Variants in STAB2 observed in about 807,000 individuals in gnomAD.
The protein encoded by STAB2 is stabilin-2.
Under a neutral mutation model 338.1 loss-of-function variants are expected in STAB2, and 288 were observed. The ratio of observed to expected loss-of-function variants is 0.85; its 90% CI spans 0.77 to 0.94. The LOEUF is 0.94. STAB2 is among the 40% of genes least tolerant of loss of function. The pLI is 0.00. For missense variants in STAB2, 3,141 were observed against 3,210.1 expected (o/e 0.98, Z 0.52); for synonymous variants, 1,202 against 1,193.3 (o/e 1.01, Z -0.15).
chr12:103,667,604 C>T (rs1409928820), intron 19 of STAB2, among the ~76,000 whole-genome samples: 1 of 152,150 alleles, frequency 6.6e-6, no homozygotes. Flanking sequence ...CTCAAATCAC[C>T]CATCCCGGGA....
At chr12:103,745,608 G>A (rs757613033) in intron 57 of STAB2, among the ~76,000 whole-genome samples, 1 of 152,114 alleles carries the variant, frequency 6.6e-6, no homozygotes, top group East Asian at 1.9e-4. Flanking sequence ...CTGACACAGA[G>A]GCTGAGTGGT....
Position 103,745,176 on chromosome 12 carries a change from G to T in STAB2, c.6035G>T (p.Cys2012Phe). The T allele has an allele frequency of 6.2e-7, 1 of 1,613,144 alleles. No individual in the cohort carries two copies. Among genetic ancestry groups the T allele is most frequent in the Non-Finnish European group, 8.5e-7 (1 of 1,179,594 alleles). ...CCATATCCTAATTTGTTTACAGCCT[G>T]TGGCTGCTCAGACCACGGACAGTGC... Reference protein sequence around the residue: ...PGRFGPDCLPCGCSDHGQCDD... With the variant: ...PGRFGPDCLPFGCSDHGQCDD... The change falls in exon 57 of 69, where the codon TGT becomes TTT. Residue 2012 changes from cysteine (C) to phenylalanine (F), a missense_variant. Cys to Phe is a radical substitution (Grantham distance 205, BLOSUM62 -2). Coordinates refer to ENST00000388887, the MANE Select transcript of STAB2 (RefSeq NM_017564.10).
At chr12:103,588,536 G>A (rs1956748395) in intron 1 of STAB2, among the ~76,000 whole-genome samples, 1 of 152,006 alleles carries the variant, frequency 6.6e-6, no homozygotes, top group African/African-American at 2.4e-5. Context: ...TTATCACCAA[G>A]TGTTTGCATT....
intron 52 of STAB2, 30 bp downstream of exon 52, chr12:103,735,610 A>C (rs766478649): frequency 4.7e-5 from 25 of 537,606 alleles, no homozygotes; most frequent in South Asian, 3.1e-4. Context: ...GTGGGCAGGG[A>C]GGGGTTAACA....
chr12:103,619,166 A>T (rs758963192), intron 3 of STAB2, among the ~76,000 whole-genome samples: 1 of 152,208 alleles, frequency 6.6e-6, no homozygotes, highest in Non-Finnish European at 1.5e-5. Flanking sequence ...TAATACAATT[A>T]TCTAGAACTT....
chr12:103,724,810 T>C (rs867333350), intron 44 of STAB2, among the ~76,000 whole-genome samples, 165 bp from the exon 45 acceptor site: 9 of 152,088 alleles, frequency 5.9e-5, no homozygotes, highest in African/African-American at 4.8e-5. Context: ...CCTATGAGCA[T>C]AGGGAATTGG....
At chr12:103,677,345 T>G (rs552614966) in intron 24 of STAB2, 108 bp from the exon 25 acceptor site, 2 of 1,423,758 alleles carry the variant, frequency 1.4e-6, no homozygotes, top group Non-Finnish European at 9.5e-7. Flanking sequence ...CCTCACTCAA[T>G]GCAAATCTGT....
intron 54 of STAB2, 33 bp from the exon 55 acceptor site, chr12:103,740,597 T>C: frequency 1.0e-5 from 16 of 1,605,190 alleles, no homozygotes; most frequent in Non-Finnish European, 1.4e-5. Context: ...CCTGCAGTGG[T>C]AAGTGAAGGG....
At chr12:103,601,613 C>A (rs1018370527) in intron 3 of STAB2, among the ~76,000 whole-genome samples, 8 of 151,960 alleles carry the variant, frequency 5.3e-5, no homozygotes, top group African/African-American at 1.9e-4. Flanking sequence ...AAAAAGAAAC[C>A]CTTAAAGACC....
chr12:103,662,728 G>GT (rs2138777007), intron 17 of STAB2, 118 bp from the exon 18 acceptor site: 1 of 1,201,034 alleles, frequency 8.3e-7, no homozygotes, highest in East Asian at 2.4e-5. Context: ...CCAATGAAAA[G>GT]TTAAGTGATG....
In STAB2 at chr12:103,761,430, G is replaced by A. The variant is rs773850088; in HGVS notation, c.7359+20G>A. 6.2e-7 allele frequency: 1 copy of A among 1,610,012 alleles called. No individual in the cohort carries two copies. The highest frequency in any genetic ancestry group is 1.1e-5 in the South Asian group (1 of 90,920). On this transcript the variant is annotated intron_variant, in intron 66 of 68. Coordinates refer to ENST00000388887, the MANE Select transcript of STAB2 (RefSeq NM_017564.10). ...CCCGTGGTGAGTATCTAGGGTCCCT[G>A]ATAACGGGCCAGGAGGAGCCCCGGT... is the stretch of plus-strand genomic sequence containing the variant.
rs58759684 is a variant in STAB2 at position 103,644,530 on chromosome 12, A to AAAATAAAT, written c.1041-4124_1041-4117dup. On this transcript the variant is annotated intron_variant, in intron 9 of 68. Transcript: ENST00000388887. ...GAGAAACACCCAAGAATGATCAATA[A>AAAATAAAT]AAATAAATAAATAAATAAATAAATA... Among the ~76,000 whole-genome samples the AAAATAAAT allele has an allele frequency of 3.0e-4, 44 of 144,332 alleles. No individual in the cohort carries two copies. In the East Asian group the frequency reaches 4.1e-3, roughly 14 times the overall value. The allele number at this position is 144,332 out of a possible 152,430, so 94.7% of individuals were successfully genotyped here.
At position 103,623,920 on chromosome 12, in the gene STAB2, T is replaced by C. The variant is rs142841428; in HGVS notation, c.487+1809T>C. 4.2e-3 allele frequency among the ~76,000 whole-genome samples: 642 copies of C among 152,246 alleles called. 5 individuals are homozygous for C. The highest frequency in any genetic ancestry group is 0.015 in the African/African-American group (612 of 41,530). ...TGGAAGTTAGCTGGAATGCTCACAA[T>C]CGCAGTCAGTAAGGTCTAAAGAATG... On this transcript the variant is annotated intron_variant, in intron 5 of 68. Transcript: ENST00000388887.
chr12:103,601,064 C>A (rs1438929045), intron 3 of STAB2, among the ~76,000 whole-genome samples: 4 of 152,192 alleles, frequency 2.6e-5, no homozygotes, highest in East Asian at 1.9e-4. Flanking sequence ...CAAGCCAGAG[C>A]TGAATGGGAA....
At chr12:103,745,060 G>A in intron 56 of STAB2, 113 bp from the exon 57 acceptor site, 2 of 816,714 alleles carry the variant, frequency 2.4e-6, no homozygotes, top group Non-Finnish European at 3.7e-6. Context: ...GAATGACTGT[G>A]ACATAAGCAT....
At chr12:103,611,474 G>T (rs1467488887) in intron 3 of STAB2, among the ~76,000 whole-genome samples, 1 of 152,048 alleles carries the variant, frequency 6.6e-6, no homozygotes, top group Non-Finnish European at 1.5e-5. Flanking sequence ...ATCTTTGTTG[G>T]TTTAAAGTCT....
chr12:103,677,491 C>T lies in STAB2; in HGVS notation c.2685C>T (p.Cys895=), dbSNP rs374392288. ...AAACTGGCACGGGCACCCACACCTG[C>T]GTGTGTCAGCAGGGTTGGACAGGGA... is the stretch of plus-strand genomic sequence containing the variant. ...CIKTGTGTHT[C]VCQQGWTGNG... Residue 895 remains cysteine, a synonymous_variant, in exon 25 of 69, where the codon TGC becomes TGT. Transcript: ENST00000388887. 31 of 1,613,820 alleles carry T rather than the reference C, an allele frequency of 1.9e-5. No homozygotes were observed. Among genetic ancestry groups the T allele is most frequent in the Admixed American group, 3.3e-5 (2 of 60,016 alleles).
At chr12:103,754,709 G>C (rs1241281663) in intron 61 of STAB2, among the ~76,000 whole-genome samples, 1 of 152,104 alleles carries the variant, frequency 6.6e-6, no homozygotes, top group Non-Finnish European at 1.5e-5. Context: ...CAGCACTTTG[G>C]GAGCCAGAGG....
rs371280119 is a variant in STAB2, at chr12:103,592,982, G to A, written c.216-1413G>A. On this transcript the variant is annotated intron_variant, in intron 2 of 68. Coordinates refer to ENST00000388887, the MANE Select transcript of STAB2 (RefSeq NM_017564.10). ...ATCCTCTAGGTTCATCCATGTTGTCGCAAGTTACAAGATTTCCTTCTTGTT... is the reference window on the plus strand; with the variant it reads ...ATCCTCTAGGTTCATCCATGTTGTCACAAGTTACAAGATTTCCTTCTTGTT... 3.9e-5 allele frequency among the ~76,000 whole-genome samples: 6 copies of A among 152,026 alleles called. 1 individual carries two copies. In the East Asian group the frequency reaches 5.8e-4, roughly 15 times the overall value.
Sources: gnomAD v4.1 joint callset for allele counts (sites outside exome capture counted in the v4.1 genomes callset) on GRCh38, gnomAD v4.1.1 for gene constraint, MANE v1.5 for transcripts, NCBI Gene and HGNC (gene_info 2026-07-23, HGNC 2026-07-21) for gene names.